SLC25A48: variants seen among roughly 807,000 people sequenced by gnomAD.
The protein encoded by SLC25A48 is CTC-321K16.1.
In SLC25A48, 29 loss-of-function variants were observed where a neutral mutation model predicts 32.2. The ratio of observed to expected loss-of-function variants is 0.90; its 90% confidence interval spans 0.67 to 1.23. The LOEUF is 1.23. SLC25A48 is among the 50% of genes most tolerant of loss of function. The probability of loss-of-function intolerance (pLI) is 0.00; values close to 1 mark genes in which losing one functional copy is unlikely to be tolerated. For synonymous variants in SLC25A48, 164 were observed against 172.3 expected, an observed-to-expected ratio of 0.95 and a Z score of 0.38; for missense variants, 399 against 422.7, an observed-to-expected ratio of 0.94 and a Z score of 0.49.
chr5:135,866,457 T>G (rs1239779065), intron 4 of SLC25A48, among the ~76,000 whole-genome samples: 3 of 152,204 alleles, frequency 2.0e-5, no homozygotes, highest in Non-Finnish European at 4.4e-5. Flanking sequence ...GTCCCTGGGT[T>G]CTGGAAAAGG....
rs61234105 is a variant in SLC25A48 at position 135,727,184 on chromosome 5, C to CTATATA, written c.-520-85324_-520-85319dup. ...TGTTTTTTACATATATAGCCACAGG[C>CTATATA]TATATATATATATATATATACGTGT... On this transcript the variant is annotated intron_variant, in intron 3 of 10. Transcript: ENST00000646290. 4.6e-3 allele frequency among the ~76,000 whole-genome samples: 673 copies of CTATATA among 146,058 alleles called. 5 individuals carry two copies. The highest frequency in any genetic ancestry group is 5.4e-3 in the South Asian group (25 of 4,608).
intron 4 of SLC25A48, among the ~76,000 whole-genome samples, chr5:135,854,895 G>A (rs565262023): frequency 6.6e-6 from 1 of 152,320 alleles, no homozygotes; most frequent in South Asian, 2.1e-4. Flanking sequence ...AGACATCTAT[G>A]AGTCTTCCTT....
rs1663338097 is a variant in SLC25A48, at chr5:135,834,766, G to A, written c.-82G>A. The A allele has an allele frequency of 7.0e-7, 1 of 1,433,164 alleles. No homozygotes were observed. Among genetic ancestry groups the A allele is most frequent in the East Asian group, 2.5e-5 (1 of 39,814 alleles). The allele number at this position is 1,433,164 out of a possible 1,614,324, so 88.8% of individuals were successfully genotyped here. On this transcript the variant is annotated 5_prime_UTR_variant, in exon 1 of 8. Coordinates refer to ENST00000681962, the MANE Select transcript of SLC25A48 (RefSeq NM_001349336.2). The stretch of plus-strand genomic sequence containing the variant: ...GAGACTCCGACTTCGGTCTTGCGGC[G>A]CGCTCGCGCCCGCGGGCCATGCCCC...
chr5:135,682,047 G>C (rs920301712), intron 3 of SLC25A48, among the ~76,000 whole-genome samples: 1 of 152,184 alleles, frequency 6.6e-6, no homozygotes, highest in South Asian at 2.1e-4. Context: ...AGCTCTCTCT[G>C]TGCAATTCTC....
intron 3 of SLC25A48, among the ~76,000 whole-genome samples, chr5:135,774,185 C>T (rs1018194466): frequency 6.6e-6 from 1 of 151,756 alleles, no homozygotes; most frequent in African/African-American, 2.4e-5. Context: ...TAAAATTACT[C>T]CAAATATCGC....
chr5:135,774,559 A>G (rs1221056139), intron 3 of SLC25A48, among the ~76,000 whole-genome samples: 1 of 151,786 alleles, frequency 6.6e-6, no homozygotes. Context: ...AGAGAATGAT[A>G]TTACTCTGAA....
intron 3 of SLC25A48, among the ~76,000 whole-genome samples, chr5:135,701,481 G>A (rs972791985): frequency 4.6e-5 from 7 of 151,090 alleles, no homozygotes; most frequent in African/African-American, 1.7e-4. Flanking sequence ...CCCCGCCACC[G>A]GCCCCCACCA....
intron 1 of SLC25A48, among the ~76,000 whole-genome samples, chr5:135,841,508 A>C (rs1033424443): frequency 2.0e-5 from 3 of 152,244 alleles, no homozygotes; most frequent in African/African-American, 7.2e-5. Flanking sequence ...CTGATTAACA[A>C]GAGAAAAATA....
At chr5:135,638,796 T>C (rs1250162253) in intron 3 of SLC25A48, among the ~76,000 whole-genome samples, 3 of 152,218 alleles carry the variant, frequency 2.0e-5, no homozygotes, top group Admixed American at 2.0e-4. Context: ...CATACATCAT[T>C]GTCTTTATAT....
At chr5:135,589,497 G>A (rs550630485) in intron 1 of SLC25A48, among the ~76,000 whole-genome samples, 10 of 152,296 alleles carry the variant, frequency 6.6e-5, no homozygotes, top group African/African-American at 2.4e-4. Context: ...CCAAGGCCCT[G>A]AAATATCAGC....
Position 135,728,841 on chromosome 5 carries a change from T to TACACACACACACACACACAC in SLC25A48, c.-520-83658_-520-83639dup, listed in dbSNP as rs33918902. On this transcript the variant is annotated intron_variant, in intron 3 of 10. Transcript: ENST00000646290. Reference sequence around the variant, plus strand: ...AATTTCCCCTGAACACATACACAAATACACACACACACACACACACACACA... The same window carrying TACACACACACACACACACAC: ...AATTTCCCCTGAACACATACACAAATACACACACACACACACACACACACACACACACACACACACACACA... 6.4e-4 allele frequency among the ~76,000 whole-genome samples: 91 copies of TACACACACACACACACACAC among 141,658 alleles called. 1 individual carries two copies. The highest frequency in any genetic ancestry group is 3.0e-3 in the East Asian group (14 of 4,604). 92.9% of individuals were successfully genotyped at this position (141,658 alleles called of 152,430 possible).
At chr5:135,605,515 C>T (rs1751914379) in intron 1 of SLC25A48, among the ~76,000 whole-genome samples, 1 of 152,226 alleles carries the variant, frequency 6.6e-6, no homozygotes, top group African/African-American at 2.4e-5. Context: ...CCAGCTCCTG[C>T]AGAAATGCTG....
rs547983210 is a variant in SLC25A48, at chr5:135,689,318, C to T, written c.-521+54362C>T. 4.6e-5 allele frequency among the ~76,000 whole-genome samples: 7 copies of T among 152,284 alleles called. No individual in the cohort carries two copies. In the South Asian group the frequency reaches 1.5e-3, roughly 32 times the overall value. ...CTGTAATCCCTGAGAACTGGAGCAC[C>T]TGTTGTGATTCTCCATACAATAGAC... On this transcript the variant is annotated intron_variant, in intron 3 of 10. Coordinates refer to the SLC25A48 transcript ENST00000646290.
chr5:135,600,782 A>G lies in SLC25A48; in HGVS notation c.-849+21185A>G, dbSNP rs932978563. Among the ~76,000 whole-genome samples the G allele has an allele frequency of 1.3e-4, 19 of 151,682 alleles. No homozygotes were observed. The South Asian group carries it at 1.5e-3, about 12-fold the overall frequency. On this transcript the variant is annotated intron_variant, in intron 1 of 10. Transcript: ENST00000646290. ...ACTGCAACCTCCATCTGCTGGGTTC[A>G]AGCAATTCTCCTGCCTCAGCCTCCC...
At chr5:135,752,318 C>A (rs1050197587) in intron 3 of SLC25A48, among the ~76,000 whole-genome samples, 2 of 152,210 alleles carry the variant, frequency 1.3e-5, no homozygotes, top group African/African-American at 2.4e-5. Flanking sequence ...CCCCTGTAAT[C>A]CCAGCACTTT....
intron 3 of SLC25A48, among the ~76,000 whole-genome samples, chr5:135,811,802 C>T (rs1174610981): frequency 6.6e-6 from 1 of 152,220 alleles, no homozygotes; most frequent in African/African-American, 2.4e-5. Flanking sequence ...AGTATTTAGG[C>T]TAGGTGCAGT....
intron 3 of SLC25A48, among the ~76,000 whole-genome samples, chr5:135,715,527 T>C (rs1054209561): frequency 6.6e-6 from 1 of 152,166 alleles, no homozygotes; most frequent in East Asian, 1.9e-4. Flanking sequence ...CAGACACTTG[T>C]AGCTGCTGGG....
chr5:135,852,066 G>C (rs931913104), intron 3 of SLC25A48, among the ~76,000 whole-genome samples: 5 of 152,190 alleles, frequency 3.3e-5, no homozygotes, highest in Admixed American at 2.6e-4. Flanking sequence ...CAATTTGTCT[G>C]TTCCACACCT....
intron 4 of SLC25A48, chr5:135,827,527 AG>A (rs1385883168): frequency 6.6e-6 from 1 of 152,210 alleles, no homozygotes; most frequent in Non-Finnish European, 1.5e-5. Context: ...GAAGAAATAA[AG>A]GTACCCTTGC....
Sources: gnomAD v4.1 joint callset for allele counts (sites outside exome capture counted in the v4.1 genomes callset) on GRCh38, gnomAD v4.1.1 for gene constraint, MANE v1.5 for transcripts, NCBI Gene and HGNC (gene_info 2026-07-23, HGNC 2026-07-21) for gene names.